The following CYB5R4 variants were observed in gnomAD, a reference collection of about 807,000 sequenced individuals.
CYB5R4 encodes cytochrome b5 reductase 4.
In CYB5R4, 55 loss-of-function variants were observed where a neutral mutation model predicts 70.2. The observed-to-expected ratio is 0.78, with a 90% CI of 0.63 to 0.98. The LOEUF is 0.98. CYB5R4 is among the 50% of genes least tolerant of loss of function. The pLI, the probability that CYB5R4 is intolerant of heterozygous loss-of-function variation, is 0.00. For synonymous variants in CYB5R4, 197 were observed against 199.5 expected, an observed-to-expected ratio of 0.99 and a Z score of 0.11; for missense variants, 562 against 612.6, an observed-to-expected ratio of 0.92 and a Z score of 0.87.
In CYB5R4 at chr6:83,955,435, C is replaced by G. The variant is rs753428220; in HGVS notation, c.1484C>G (p.Pro495Arg). Reference protein sequence around the residue: ...KSKVLVCICGPVPFTEQGVRL... With the variant: ...KSKVLVCICGRVPFTEQGVRL... ...AAAGTTCTCGTCTGCATTTGTGGAC[C>G]AGTGCCATTTACAGAACAAGGAGTA... The change falls in exon 15 of 16, where the codon CCA (proline) becomes CGA (arginine). Residue 495 changes from proline (P) to arginine (R), a missense_variant. Coordinates refer to ENST00000369681, the MANE Select transcript of CYB5R4 (RefSeq NM_016230.4). The G allele has an allele frequency of 2.8e-5, 45 of 1,613,606 alleles. No individual in the cohort carries two copies. The highest frequency in any genetic ancestry group is 3.6e-5 in the Non-Finnish European group (43 of 1,179,836).
intron 10 of CYB5R4, among the ~76,000 whole-genome samples, chr6:83,928,508 A>T (rs992959756): frequency 6.6e-6 from 1 of 152,154 alleles, no homozygotes; most frequent in African/African-American, 2.4e-5. Context: ...CAGAAAAAAA[A>T]AACAAAACAA....
In CYB5R4 at chr6:83,877,578, G is replaced by A. The variant is rs1006510159; in HGVS notation, c.229+13250G>A. ...TGGGTGGGTGGGGGAGGATGTGCCA[G>A]GCTCCTTTTGACAATCGGCTTTCAC... is the stretch of plus-strand genomic sequence containing the variant. On this transcript the variant is annotated intron_variant, in intron 2 of 15. Coordinates refer to ENST00000369681, the MANE Select transcript of CYB5R4 (RefSeq NM_016230.4). Among the ~76,000 whole-genome samples, 3 of 152,068 alleles carry A rather than the reference G, an allele frequency of 2.0e-5. No individual in the cohort carries two copies. In the East Asian group the frequency reaches 5.8e-4, roughly 29 times the overall value.
intron 3 of CYB5R4, among the ~76,000 whole-genome samples, chr6:83,906,262 A>C (rs1211684978): frequency 6.6e-6 from 1 of 152,188 alleles, no homozygotes; most frequent in Non-Finnish European, 1.5e-5. Context: ...GGTAGCTGGC[A>C]GTTCCTTGAA....
chr6:83,861,686 A>G (rs9362015), intron 1 of CYB5R4, among the ~76,000 whole-genome samples: 27,057 of 152,212 alleles, frequency 0.18, 5,007 homozygotes, highest in African/African-American at 0.45. Context: ...ATCCTGTCCA[A>G]GGTCGGTTCC....
At chr6:83,948,313 A>G (rs1054253720) in intron 14 of CYB5R4, among the ~76,000 whole-genome samples, 6 of 152,196 alleles carry the variant, frequency 3.9e-5, no homozygotes, top group African/African-American at 1.4e-4. Flanking sequence ...TGGGAGTTGA[A>G]CAATGAGAAC....
chr6:83,930,969 G>A (rs1007984813), intron 10 of CYB5R4, among the ~76,000 whole-genome samples: 1 of 152,132 alleles, frequency 6.6e-6, no homozygotes, highest in African/African-American at 2.4e-5. Context: ...GAAGAGGTAG[G>A]ACCTTGCTCT....
chr6:83,928,986 T>C (rs995099416), intron 10 of CYB5R4, among the ~76,000 whole-genome samples: 17 of 152,162 alleles, frequency 1.1e-4, no homozygotes, highest in African/African-American at 4.1e-4. Flanking sequence ...TGAAACACCA[T>C]TAAAAAAGAA....
intron 1 of CYB5R4, among the ~76,000 whole-genome samples, chr6:83,861,259 C>T (rs1327322267): frequency 6.6e-6 from 1 of 152,144 alleles, no homozygotes; most frequent in Admixed American, 6.5e-5. Flanking sequence ...AAAAAGAGAA[C>T]AAAATAAGAT....
intron 10 of CYB5R4, among the ~76,000 whole-genome samples, chr6:83,931,393 GA>G (rs1188547672): frequency 6.6e-6 from 1 of 152,188 alleles, no homozygotes; most frequent in African/African-American, 2.4e-5. Context: ...AGGCAGTGTG[GA>G]CTCCTAGTGC....
intron 2 of CYB5R4, among the ~76,000 whole-genome samples, chr6:83,867,962 A>G (rs922741420): frequency 1.4e-4 from 21 of 152,148 alleles, no homozygotes; most frequent in African/African-American, 5.1e-4. Context: ...CCACTTGCCC[A>G]CCCACTCCCC....
chr6:83,909,069 A>G lies in CYB5R4; in HGVS notation c.391A>G (p.Ile131Val), dbSNP rs1294173302. The change falls in exon 4 of 16, where the codon ATT (isoleucine) becomes GTT (valine). Residue 131 changes from isoleucine to valine, a missense_variant. Coordinates refer to ENST00000369681, the MANE Select transcript of CYB5R4 (RefSeq NM_016230.4). ...LKECLVGRMA[I>V]KPAVLKDYRE... ...AGAATGCCTGGTTGGCAGAATGGCC[A>G]TTAAACCTGCTGTTCTGAAAGGTAA... 1 of 1,613,982 alleles carries G rather than the reference A, an allele frequency of 6.2e-7. No homozygotes were observed. The highest frequency in any genetic ancestry group is 1.7e-5 in the Admixed American group (1 of 60,000).
rs199737535 is a variant in CYB5R4, at chr6:83,955,290, T to C, written c.1347-8T>C. On this transcript the variant is annotated splice_polypyrimidine_tract_variant and splice_region_variant and intron_variant, in intron 14 of 15. Transcript: ENST00000369681. ...TAAACTTTAAAAAGCTGTTTTTCTT[T>C]TCCCTAGACTGGATGTTGAATTTGT... 1.3e-6 allele frequency: 2 copies of C among 1,578,954 alleles called. No individual in the cohort carries two copies. The highest frequency in any genetic ancestry group is 2.2e-5 in the East Asian group (1 of 44,464).
intron 3 of CYB5R4, among the ~76,000 whole-genome samples, chr6:83,895,522 A>G (rs951905211): frequency 6.6e-6 from 1 of 152,150 alleles, no homozygotes; most frequent in African/African-American, 2.4e-5. Flanking sequence ...ACATTTGCCT[A>G]AAAACTTACC....
In CYB5R4 at chr6:83,960,028, A is replaced by G; in HGVS notation, c.*150A>G. 1.9e-6 allele frequency: 1 copy of G among 537,204 alleles called. No homozygotes were observed. The highest frequency in any genetic ancestry group is 3.1e-6 in the Non-Finnish European group (1 of 322,242). The allele number at this position is 537,204 out of a possible 1,614,324, so 33.3% of individuals were successfully genotyped here. A position where few individuals can be genotyped will look rare whatever the true frequency, so the allele number is the denominator to read the frequency against. ...ATGAAATCAAATGTTCCTTCAGTAC[A>G]GGTAACTTCTTGGCTTTCTTTTGTA... On this transcript the variant is annotated 3_prime_UTR_variant, in exon 16 of 16. Coordinates refer to ENST00000369681, the MANE Select transcript of CYB5R4 (RefSeq NM_016230.4).
In CYB5R4 at chr6:83,955,319, C is replaced by G. The variant is rs767179651; in HGVS notation, c.1368C>G (p.Leu456=). Residue 456 remains leucine (L), a synonymous_variant, in exon 15 of 16, where the codon CTC becomes CTG. Transcript: ENST00000369681. ...KDKRLDVEFV[L]SAPISEWNGK... ...CTAGACTGGATGTTGAATTTGTTCTCTCAGCACCTATTTCTGAATGGAATG... is the reference window on the plus strand; with the variant it reads ...CTAGACTGGATGTTGAATTTGTTCTGTCAGCACCTATTTCTGAATGGAATG... The G allele has an allele frequency of 6.2e-7, 1 of 1,613,100 alleles. No homozygotes were observed. The highest frequency in any genetic ancestry group is 1.3e-5 in the African/African-American group (1 of 74,866).
intron 2 of CYB5R4, among the ~76,000 whole-genome samples, chr6:83,888,582 A>G (rs1562830877): frequency 6.6e-6 from 1 of 152,122 alleles, no homozygotes. Flanking sequence ...GGACAAATGT[A>G]TATGTTCTCA....
intron 3 of CYB5R4, among the ~76,000 whole-genome samples, chr6:83,905,669 G>C (rs2099463646): frequency 6.6e-6 from 1 of 152,032 alleles, no homozygotes; most frequent in African/African-American, 2.4e-5. Context: ...CTGGCACCAG[G>C]GTTCATCAAG....
intron 3 of CYB5R4, among the ~76,000 whole-genome samples, chr6:83,898,945 A>G (rs2099462402): frequency 6.6e-6 from 1 of 152,194 alleles, no homozygotes; most frequent in Non-Finnish European, 1.5e-5. Context: ...TCCTAATTGA[A>G]TACCCTTTAT....
At chr6:83,884,407 A>AT (rs1362833551) in intron 2 of CYB5R4, among the ~76,000 whole-genome samples, 1 of 152,064 alleles carries the variant, frequency 6.6e-6, no homozygotes, top group Admixed American at 6.5e-5. Flanking sequence ...GATAAAAAGG[A>AT]TTATGAGGCA....
Sources: gnomAD v4.1 joint callset for allele counts (sites outside exome capture counted in the v4.1 genomes callset) on GRCh38, gnomAD v4.1.1 for gene constraint, MANE v1.5 for transcripts, NCBI Gene and HGNC (gene_info 2026-07-23, HGNC 2026-07-21) for gene names.